LHPP: variants seen among roughly 807,000 people sequenced by gnomAD.
LHPP encodes hLHPP.
In LHPP, 24 loss-of-function variants were observed where a neutral mutation model predicts 30.3. That is an observed-to-expected ratio of 0.79 (90% CI 0.57 to 1.11). The LOEUF (loss-of-function observed/expected upper bound fraction) is 1.11, where lower values mean the gene tolerates loss of function less well. Among genes scored for constraint, LHPP ranks in the 50% most tolerant of loss-of-function variants. The pLI is 0.00. For missense variants in LHPP, 356 were observed against 367.2 expected, an observed-to-expected ratio of 0.97 and a Z score of 0.25; for synonymous variants, 150 against 157.1, an observed-to-expected ratio of 0.95 and a Z score of 0.34.
intron 5 of LHPP, among the ~76,000 whole-genome samples, chr10:124,508,716 G>T (rs1219212174): frequency 6.6e-6 from 1 of 151,698 alleles, no homozygotes; most frequent in Non-Finnish European, 1.5e-5. Flanking sequence ...AAGAAGAAAA[G>T]AAACCACTCA....
intron 6 of LHPP, among the ~76,000 whole-genome samples, chr10:124,531,767 T>A (rs1411894038): frequency 6.6e-6 from 1 of 152,246 alleles, no homozygotes; most frequent in East Asian, 1.9e-4. Flanking sequence ...GGCAACCACA[T>A]AATGTGTTTT....
At chr10:124,543,181 C>T (rs559885925) in intron 6 of LHPP, among the ~76,000 whole-genome samples, 1 of 152,218 alleles carries the variant, frequency 6.6e-6, no homozygotes, top group Non-Finnish European at 1.5e-5. Flanking sequence ...TCGGGCAGTA[C>T]AAGCCTTCAT....
At chr10:124,609,763 G>A (rs1467270778) in intron 6 of LHPP, among the ~76,000 whole-genome samples, 2 of 152,118 alleles carry the variant, frequency 1.3e-5, no homozygotes, top group African/African-American at 4.8e-5. Context: ...TGTATTCCTC[G>A]AGTCTGGCCT....
chr10:124,463,606 A>G (rs559786404), intron 1 of LHPP, among the ~76,000 whole-genome samples: 1 of 151,816 alleles, frequency 6.6e-6, no homozygotes, highest in South Asian at 2.1e-4. Context: ...CAACTGATCC[A>G]CCTGCCTGGG....
intron 6 of LHPP, among the ~76,000 whole-genome samples, chr10:124,606,488 G>A (rs1949094301): frequency 1.5e-5 from 1 of 68,066 alleles, no homozygotes; most frequent in Non-Finnish European, 3.3e-5. Flanking sequence ...GGTGGAGGTG[G>A]GAGGGGGCAG....
chr10:124,598,177 G>A (rs1948974546), intron 6 of LHPP, among the ~76,000 whole-genome samples: 1 of 152,252 alleles, frequency 6.6e-6, no homozygotes, highest in Non-Finnish European at 1.5e-5. Flanking sequence ...CCCTCACCAG[G>A]TCCCCAGTGG....
chr10:124,539,722 C>T (rs1400217729), intron 6 of LHPP, among the ~76,000 whole-genome samples: 1 of 121,842 alleles, frequency 8.2e-6, no homozygotes, highest in Non-Finnish European at 1.7e-5. Flanking sequence ...GGCGACAGAG[C>T]AAAACCCTGT....
chr10:124,512,798 T>A (rs1460093436), intron 5 of LHPP, among the ~76,000 whole-genome samples: 1 of 152,120 alleles, frequency 6.6e-6, no homozygotes, highest in Non-Finnish European at 1.5e-5. Flanking sequence ...TCCACCCCAC[T>A]GCTCTAGCTC....
At chr10:124,534,948 C>A (rs1000864221) in intron 6 of LHPP, among the ~76,000 whole-genome samples, 1 of 152,206 alleles carries the variant, frequency 6.6e-6, no homozygotes, top group African/African-American at 2.4e-5. Flanking sequence ...TGAAAGATTT[C>A]GCCATGGGAA....
intron 6 of LHPP, among the ~76,000 whole-genome samples, chr10:124,534,740 C>T (rs1954981989): frequency 1.3e-5 from 2 of 152,270 alleles, no homozygotes; most frequent in South Asian, 4.2e-4. Context: ...GGGCTGGGGC[C>T]CTGCTGCGGC....
chr10:124,559,230 G>T (rs1948352852), intron 6 of LHPP, among the ~76,000 whole-genome samples: 1 of 152,242 alleles, frequency 6.6e-6, no homozygotes, highest in Non-Finnish European at 1.5e-5. Flanking sequence ...ACTCTATGGG[G>T]GTGGCTTCTG....
At chr10:124,500,509 T>C (rs548231898) in intron 5 of LHPP, among the ~76,000 whole-genome samples, 1 of 152,110 alleles carries the variant, frequency 6.6e-6, no homozygotes, top group African/African-American at 2.4e-5. Flanking sequence ...ATAAATTTAC[T>C]TATTTTTTTG....
chr10:124,529,056 GAGT>G (rs1954820331), intron 6 of LHPP, among the ~76,000 whole-genome samples: 1 of 129,176 alleles, frequency 7.7e-6, no homozygotes, highest in East Asian at 2.3e-4. Flanking sequence ...TTTTGAGACA[GAGT>G]CTTGCTCTGT....
chr10:124,462,136 T>C, intron 1 of LHPP, 149 bp downstream of exon 1: 2 of 756,362 alleles, frequency 2.6e-6, no homozygotes, highest in Non-Finnish European at 3.5e-6. Flanking sequence ...GCGCGCACAG[T>C]GCTGACCACG....
intron 6 of LHPP, among the ~76,000 whole-genome samples, chr10:124,559,033 A>G (rs1444699516): frequency 1.3e-5 from 2 of 152,078 alleles, no homozygotes; most frequent in African/African-American, 2.4e-5. Flanking sequence ...GCCTGGCCCT[A>G]TTCTCCCATC....
At chr10:124,540,447 C>T (rs1393721147) in intron 6 of LHPP, among the ~76,000 whole-genome samples, 1 of 152,212 alleles carries the variant, frequency 6.6e-6, no homozygotes, top group African/African-American at 2.4e-5. Context: ...GAGCCGCTCG[C>T]CCACCAACCC....
chr10:124,490,045 C>G (rs1190228598), intron 3 of LHPP: 1 of 171,856 alleles, frequency 5.8e-6, no homozygotes, highest in African/African-American at 2.4e-5. Context: ...GGGTATCTCT[C>G]CCATCTGTGG....
intron 6 of LHPP, among the ~76,000 whole-genome samples, chr10:124,538,370 C>G (rs548808060): frequency 1.3e-5 from 2 of 152,230 alleles, no homozygotes; most frequent in Non-Finnish European, 2.9e-5. Flanking sequence ...GGTGCCTTCT[C>G]TCAGCCCTTT....
intron 6 of LHPP, among the ~76,000 whole-genome samples, chr10:124,612,140 A>G (rs927944915): frequency 6.6e-6 from 1 of 152,050 alleles, no homozygotes; most frequent in Admixed American, 6.5e-5. Context: ...ACGGTGGCTC[A>G]CTCCTGTAAT....
Sources: gnomAD v4.1 joint callset for allele counts (sites outside exome capture counted in the v4.1 genomes callset) on GRCh38, gnomAD v4.1.1 for gene constraint, MANE v1.5 for transcripts, NCBI Gene and HGNC (gene_info 2026-07-23, HGNC 2026-07-21) for gene names.